Variants in CDKN3 observed in about 807,000 individuals in gnomAD.
CDKN3 encodes cyclin dependent kinase inhibitor 3.
CDKN3 carries 19 observed loss-of-function variants against 36.1 expected under a neutral mutation model. The observed-to-expected ratio is 0.53, with a 90% CI of 0.37 to 0.77. CDKN3 has a LOEUF of 0.77. Ranked by LOEUF, CDKN3 falls within the 30% of genes least tolerant of loss-of-function variation. The pLI is 0.00. For synonymous variants in CDKN3, 71 were observed against 85.3 expected, an observed-to-expected ratio of 0.83 and a Z score of 0.92; for missense variants, 188 against 248.6, an observed-to-expected ratio of 0.76 and a Z score of 1.64.
At chr14:54,400,109 T>A in intron 2 of CDKN3, 133 bp downstream of exon 2, 1 of 621,430 alleles carries the variant, frequency 1.6e-6, no homozygotes. Flanking sequence ...CCCCTCTGAT[T>A]ATATAATTCT....
intron 5 of CDKN3, among the ~76,000 whole-genome samples, chr14:54,413,048 C>T (rs941356786): frequency 1.4e-4 from 22 of 152,182 alleles, no homozygotes; most frequent in African/African-American, 3.9e-4. Context: ...CCAACTAGTA[C>T]GAGGGTCTTT....
At chr14:54,415,969 TAGAC>T (rs1335286590) in intron 6 of CDKN3, 39 bp downstream of exon 6, 2 of 1,384,500 alleles carry the variant, frequency 1.4e-6, no homozygotes, top group Admixed American at 3.4e-5. Context: ...AACCGCCAAA[TAGAC>T]AAACTTCTGT....
At chr14:54,399,769 ATAT>A in intron 1 of CDKN3, 122 bp from the exon 2 acceptor site, 1 of 672,134 alleles carries the variant, frequency 1.5e-6, no homozygotes, top group Non-Finnish European at 2.7e-6. Context: ...GATCTCGTTA[ATAT>A]TCTGGATTGA....
intron 2 of CDKN3, among the ~76,000 whole-genome samples, chr14:54,400,181 C>CT (rs56022133): frequency 0.13 from 18,017 of 137,182 alleles, 1,294 homozygotes; most frequent in African/African-American, 0.17. Context: ...GAATAAGACC[C>CT]TTTTTTTTTT....
intron 4 of CDKN3, among the ~76,000 whole-genome samples, chr14:54,410,108 T>C (rs2030299911): frequency 6.6e-6 from 1 of 152,236 alleles, no homozygotes; most frequent in African/African-American, 2.4e-5. Flanking sequence ...GTCATATTCA[T>C]TTAGCATTTT....
chr14:54,415,975 A>C (rs541378834), intron 6 of CDKN3, 45 bp downstream of exon 6: 1 of 1,340,492 alleles, frequency 7.5e-7, no homozygotes, highest in Admixed American at 1.7e-5. Flanking sequence ...CAAATAGACA[A>C]ACTTCTGTTT....
chr14:54,399,432 C>A (rs184967950), intron 1 of CDKN3, among the ~76,000 whole-genome samples: 163 of 152,312 alleles, frequency 1.1e-3, no homozygotes, highest in African/African-American at 3.8e-3. Flanking sequence ...TTATATAATA[C>A]CTTTCTTCTG....
chr14:54,402,147 A>C (rs1420010846), intron 3 of CDKN3, among the ~76,000 whole-genome samples: 1 of 151,048 alleles, frequency 6.6e-6, no homozygotes, highest in African/African-American at 2.4e-5. Flanking sequence ...CAGGGGTTGC[A>C]GTGAGCCGAG....
At chr14:54,398,864 G>GT (rs909878664) in intron 1 of CDKN3, among the ~76,000 whole-genome samples, 4 of 151,666 alleles carry the variant, frequency 2.6e-5, no homozygotes, top group Non-Finnish European at 5.9e-5. Context: ...ATGTGGGGAT[G>GT]TTTTTTGAGA....
At chr14:54,411,333 C>G (rs1344269277) in intron 4 of CDKN3, 151 bp from the exon 5 acceptor site, 7 of 611,998 alleles carry the variant, frequency 1.1e-5, no homozygotes, top group Non-Finnish European at 2.0e-5. Flanking sequence ...CCTTTTGATT[C>G]AGACATATCA....
rs141107383 is a variant in CDKN3 at position 54,415,912 on chromosome 14, C to T, written c.430C>T (p.Leu144Phe). ...RKTLIHCYGG[L>F]GRSCLVAACL... is the part of the protein sequence containing the mutation. ...TTTCCCTTTCAGCTGCTATGGAGGA[C>T]TTGGGAGATCTTGTCTTGGTAAGAA... The change falls in exon 6 of 8, where the codon CTT (leucine) becomes TTT (phenylalanine). Residue 144 changes from leucine (L) to phenylalanine (F), a missense_variant. Coordinates refer to ENST00000335183, the MANE Select transcript of CDKN3 (RefSeq NM_005192.4). The T allele has an allele frequency of 2.6e-5, 42 of 1,602,670 alleles. No homozygotes were observed. The highest frequency in any genetic ancestry group is 3.4e-5 in the Non-Finnish European group (40 of 1,169,742).
intron 3 of CDKN3, among the ~76,000 whole-genome samples, chr14:54,406,518 T>C (rs193159330): frequency 2.0e-5 from 3 of 152,250 alleles, no homozygotes; most frequent in Non-Finnish European, 4.4e-5. Flanking sequence ...TCCCATATTT[T>C]TGGAGGCCTT....
chr14:54,418,216 TCTAC>T, intron 7 of CDKN3: 1 of 702,400 alleles, frequency 1.4e-6, no homozygotes, highest in Non-Finnish European at 2.6e-6. Context: ...TTTTCCAGGA[TCTAC>T]CTACTTCTCA....
At chr14:54,415,859 A>C (rs2030520249) in intron 5 of CDKN3, 40 bp from the exon 6 acceptor site, 1 of 1,503,952 alleles carries the variant, frequency 6.6e-7, no homozygotes, top group African/African-American at 1.4e-5. Context: ...CTAGGGATGG[A>C]ATGAAATGTA....
At chr14:54,399,352 T>G (rs1886409363) in intron 1 of CDKN3, among the ~76,000 whole-genome samples, 1 of 152,176 alleles carries the variant, frequency 6.6e-6, no homozygotes, top group African/African-American at 2.4e-5. Flanking sequence ...CTGTGAAGCC[T>G]TCTCCAGCTA....
At chr14:54,399,246 G>A (rs916600076) in intron 1 of CDKN3, among the ~76,000 whole-genome samples, 1 of 151,978 alleles carries the variant, frequency 6.6e-6, no homozygotes, top group Non-Finnish European at 1.5e-5. Flanking sequence ...TCGCCTCCCA[G>A]AGTGCTGAGA....
intron 3 of CDKN3, among the ~76,000 whole-genome samples, chr14:54,406,500 T>A (rs2030163896): frequency 6.6e-6 from 1 of 152,182 alleles, no homozygotes; most frequent in South Asian, 2.1e-4. Context: ...TTTGGTTGAT[T>A]CACATTGTCC....
intron 4 of CDKN3, among the ~76,000 whole-genome samples, chr14:54,410,702 A>G (rs2030318602): frequency 6.6e-6 from 1 of 152,224 alleles, no homozygotes; most frequent in Admixed American, 6.5e-5. Flanking sequence ...TTTTATATAC[A>G]ATACTCAGAG....
chr14:54,404,545 A>G (rs914843276), intron 3 of CDKN3, among the ~76,000 whole-genome samples: 2 of 150,820 alleles, frequency 1.3e-5, no homozygotes, highest in Non-Finnish European at 3.0e-5. Context: ...TTATGTCTCT[A>G]TCTCCTTCAG....
Sources: allele counts gnomAD v4.1 joint callset (sites outside exome capture counted in the v4.1 genomes callset), GRCh38; gene constraint gnomAD v4.1.1; transcripts MANE v1.5; gene names NCBI Gene and HGNC (gene_info 2026-07-23, HGNC 2026-07-21).